MAF: variants seen among roughly 807,000 people sequenced by gnomAD.
MAF encodes the protein transcription factor Maf.
A neutral mutation model predicts 22.0 loss-of-function variants in MAF; 10 were observed. That is an observed-to-expected ratio of 0.45 (90% CI 0.28 to 0.77). The LOEUF (loss-of-function observed/expected upper bound fraction) is 0.77. MAF is among the 30% of genes least tolerant of loss of function. The probability of loss-of-function intolerance (pLI) is 0.12; values close to 1 mark genes in which losing one functional copy is unlikely to be tolerated. For synonymous variants in MAF, 337 were observed against 255.8 expected (o/e 1.32, Z -3.03); for missense variants, 544 against 548.4 (o/e 0.99, Z 0.08).
chr16:79,556,886 T>C, the MAF span, among the ~76,000 whole-genome samples: 1 of 152,204 alleles, frequency 6.6e-6, no homozygotes, highest in Non-Finnish European at 1.5e-5. Context: ...ATAATAGTGC[T>C]TGGTATGAGA....
At chr16:79,214,874 C>A in the MAF span, among the ~76,000 whole-genome samples, 1 of 151,452 alleles carries the variant, frequency 6.6e-6, no homozygotes, top group East Asian at 2.0e-4. Context: ...CCACACCTGG[C>A]TAATCTTTGT....
the MAF span, among the ~76,000 whole-genome samples, chr16:79,361,636 A>G: frequency 7.9e-5 from 12 of 152,068 alleles, no homozygotes; most frequent in Admixed American, 1.3e-4. Context: ...TTTTTAAAGG[A>G]CTGTGTCACC....
At chr16:79,536,842 T>C in the MAF span, among the ~76,000 whole-genome samples, 1 of 152,172 alleles carries the variant, frequency 6.6e-6, no homozygotes, top group African/African-American at 2.4e-5. Flanking sequence ...TGTGTGTAAG[T>C]TATATGCAAA....
At chr16:79,533,071 T>A in the MAF span, among the ~76,000 whole-genome samples, 2 of 152,200 alleles carry the variant, frequency 1.3e-5, no homozygotes, top group Non-Finnish European at 2.9e-5. Flanking sequence ...ACTTAGTGTC[T>A]TAGTTTCTCT....
the MAF span, among the ~76,000 whole-genome samples, chr16:79,273,949 C>CTTT: frequency 9.4e-3 from 811 of 86,384 alleles, 66 homozygotes; most frequent in East Asian, 0.14. Flanking sequence ...TCGTGTCTGC[C>CTTT]TTTTTTTTTT....
the MAF span, among the ~76,000 whole-genome samples, chr16:79,268,713 G>C: frequency 6.6e-6 from 1 of 152,176 alleles, no homozygotes; most frequent in Non-Finnish European, 1.5e-5. Flanking sequence ...CATTGCAACA[G>C]GAAGCCCACC....
chr16:79,539,064 TTATTTTGCTTGACTATGAAAG>T, the MAF span, among the ~76,000 whole-genome samples: 20 of 152,310 alleles, frequency 1.3e-4, 1 homozygote, highest in South Asian at 4.1e-3. Context: ...TACAAAGACA[TTATTTTGCTTGACTATGAAAG>T]AAAGTTTTGT....
chr16:79,225,743 G>T, the MAF span, among the ~76,000 whole-genome samples: 2 of 152,154 alleles, frequency 1.3e-5, no homozygotes, highest in Admixed American at 1.3e-4. Flanking sequence ...CTTCTCAAAA[G>T]AAGACATTTA....
In MAF at chr16:79,600,009, T is replaced by TG; in HGVS notation, c.-108dup. ...CAGCGGGTGAGCCAGCTTGCCGGGC[T>TG]GGGGCGCTTCTAGCTTGCGCGGCGG... On this transcript the variant is annotated 5_prime_UTR_variant, in exon 1 of 2. Coordinates refer to ENST00000326043, the MANE Select transcript of MAF (RefSeq NM_005360.5). The TG allele has an allele frequency of 6.6e-7, 1 of 1,518,222 alleles. No individual in the cohort carries two copies. The highest frequency in any genetic ancestry group is 8.9e-7 in the Non-Finnish European group (1 of 1,119,082). The allele number at this position is 1,518,222 out of a possible 1,614,324, so 94.0% of individuals were successfully genotyped here.
the MAF span, among the ~76,000 whole-genome samples, chr16:79,552,725 C>T: frequency 6.6e-6 from 1 of 152,168 alleles, no homozygotes; most frequent in Non-Finnish European, 1.5e-5. Context: ...GTTCTGGGTT[C>T]TTCCCACTGG....
the MAF span, among the ~76,000 whole-genome samples, chr16:79,469,054 A>G: frequency 6.6e-6 from 1 of 152,124 alleles, no homozygotes; most frequent in African/African-American, 2.4e-5. Flanking sequence ...TAGCCACCCC[A>G]CACCCAATCA....
chr16:79,534,711 A>G, the MAF span, among the ~76,000 whole-genome samples: 1 of 152,204 alleles, frequency 6.6e-6, no homozygotes, highest in Non-Finnish European at 1.5e-5. Flanking sequence ...TGTTGTGCAC[A>G]TGTACCCTAG....
At chr16:79,335,348 T>C in the MAF span, among the ~76,000 whole-genome samples, 1 of 152,148 alleles carries the variant, frequency 6.6e-6, no homozygotes. Context: ...TTCCTCGTAC[T>C]ATGGCCGACC....
the MAF span, among the ~76,000 whole-genome samples, chr16:79,580,338 G>A: frequency 2.0e-5 from 3 of 152,166 alleles, no homozygotes; most frequent in Admixed American, 6.5e-5. Context: ...AAAGATCAGA[G>A]CAAACAGATG....
chr16:79,490,222 T>G, the MAF span, among the ~76,000 whole-genome samples: 1 of 152,228 alleles, frequency 6.6e-6, no homozygotes, highest in Non-Finnish European at 1.5e-5. Context: ...TGAACTGCTG[T>G]GCGTCTTTAA....
the MAF span, among the ~76,000 whole-genome samples, chr16:79,307,596 T>G: frequency 0.65 from 98,728 of 151,984 alleles, 32,853 homozygotes; most frequent in South Asian, 0.75. Flanking sequence ...TACCCTTTAC[T>G]ATAAAAAAAT....
At chr16:79,430,944 C>A in the MAF span, among the ~76,000 whole-genome samples, 1 of 152,188 alleles carries the variant, frequency 6.6e-6, no homozygotes, top group East Asian at 1.9e-4. Flanking sequence ...GGGAATTCTT[C>A]CTGGGAACAG....
the MAF span, among the ~76,000 whole-genome samples, chr16:79,307,381 G>A: frequency 6.6e-6 from 1 of 152,314 alleles, no homozygotes; most frequent in South Asian, 2.1e-4. Context: ...GCACAGCCCG[G>A]GTCCCTGGGC....
chr16:79,391,899 CAGGAGGAGG>C, the MAF span, among the ~76,000 whole-genome samples: 1 of 48,362 alleles, frequency 2.1e-5, no homozygotes, highest in Non-Finnish European at 5.9e-5. Context: ...GGAGGAGGAG[CAGGAGGAGG>C]AGAAGGAGGA....
Sources: allele counts gnomAD v4.1 joint callset (sites outside exome capture counted in the v4.1 genomes callset), GRCh38; gene constraint gnomAD v4.1.1; transcripts MANE v1.5; gene names NCBI Gene and HGNC (gene_info 2026-07-23, HGNC 2026-07-21).